The following ULBP1 variants were observed in gnomAD, a reference collection of about 807,000 sequenced individuals.
ULBP1 encodes UL16-binding protein 1.
In ULBP1, 28 loss-of-function variants were observed where a neutral mutation model predicts 25.3. The observed-to-expected ratio is 1.10, with a 90% CI of 0.82 to 1.51. The LOEUF (loss-of-function observed/expected upper bound fraction) is 1.51, where lower values mean the gene tolerates loss of function less well. Ranked by LOEUF, ULBP1 falls within the 40% of genes most tolerant of loss-of-function variation. ULBP1 has a pLI of 0.00. For synonymous variants in ULBP1, 129 were observed against 103.0 expected (o/e 1.25, Z -1.53); for missense variants, 348 against 290.9 (o/e 1.20, Z -1.43).
At position 149,973,678 on chromosome 6, in the gene ULBP1, CA is replaced by C. The variant is rs1272027446; in HGVS notation, c.*2336del. ...GTATAATAATTATACATGAAAGTGCCAAAACCCTACAATTAAACACTGTATA... is the reference window on the plus strand; with the variant it reads ...GTATAATAATTATACATGAAAGTGCCAAACCCTACAATTAAACACTGTATA... On this transcript the variant is annotated 3_prime_UTR_variant, in exon 5 of 5. Transcript: ENST00000229708. 2.0e-5 allele frequency: 3 copies of C among 152,128 alleles called. No individual in the cohort carries two copies. The East Asian group carries it at 5.8e-4, about 29-fold the overall frequency. 9.4% of individuals were successfully genotyped at this position (152,128 alleles called of 1,614,324 possible).
At position 149,966,949 on chromosome 6, in the gene ULBP1, T is replaced by C. The variant is rs147411094; in HGVS notation, c.86-1658T>C. On this transcript the variant is annotated intron_variant, in intron 1 of 4. Coordinates refer to ENST00000229708, the MANE Select transcript of ULBP1 (RefSeq NM_025218.4). ...CTCTGGGATCTTAGGGAGTCCAGGGTCAAATAGCTGTATTGGTAGGTCCAG... is the reference window on the plus strand; with the variant it reads ...CTCTGGGATCTTAGGGAGTCCAGGGCCAAATAGCTGTATTGGTAGGTCCAG... Among the ~76,000 whole-genome samples, 139 of 152,180 alleles carry C rather than the reference T, an allele frequency of 9.1e-4. 1 individual carries two copies. The highest frequency in any genetic ancestry group is 3.2e-3 in the African/African-American group (132 of 41,534).
In ULBP1 at chr6:149,973,099, C is replaced by G. The variant is rs1277838434; in HGVS notation, c.*1753C>G. ...TCTAAGTGCCCAACAACAGTAAATT[C>G]AATGAAAAAAAATGTGGTACATAGA... On this transcript the variant is annotated 3_prime_UTR_variant, in exon 5 of 5. Coordinates refer to ENST00000229708, the MANE Select transcript of ULBP1 (RefSeq NM_025218.4). The G allele has an allele frequency of 1.3e-5, 2 of 151,854 alleles. No homozygotes were observed. Among genetic ancestry groups the G allele is most frequent in the Non-Finnish European group, 2.9e-5 (2 of 67,936 alleles). 9.4% of individuals were successfully genotyped at this position (151,854 alleles called of 1,614,324 possible). A position where few individuals can be genotyped will look rare whatever the true frequency, so the allele number is the denominator to read the frequency against.
rs1779336807 is a variant in ULBP1 at position 149,972,569 on chromosome 6, C to T, written c.*1223C>T. 1 of 152,164 alleles carries T rather than the reference C, an allele frequency of 6.6e-6. No individual in the cohort carries two copies. 9.4% of individuals were successfully genotyped at this position (152,164 alleles called of 1,614,324 possible). A position where few individuals can be genotyped will look rare whatever the true frequency, so the allele number is the denominator to read the frequency against. On this transcript the variant is annotated 3_prime_UTR_variant, in exon 5 of 5. Transcript: ENST00000229708. ...AGAAACTAGCAACACAGTAAACAGA[C>T]AGCCTGTAGAATGGGGAAAACTATT...
intron 4 of ULBP1, 127 bp downstream of exon 4, chr6:149,970,274 C>A: frequency 3.9e-6 from 5 of 1,279,266 alleles, no homozygotes; most frequent in Admixed American, 2.7e-5. Flanking sequence ...ATGAATGAGA[C>A]CTGCTGTCAC....
intron 1 of ULBP1, among the ~76,000 whole-genome samples, chr6:149,968,222 G>A (rs1779237749): frequency 1.3e-5 from 2 of 152,132 alleles, no homozygotes; most frequent in East Asian, 1.9e-4. Context: ...AGCATCCCAG[G>A]GCAGCTCCCA....
At chr6:149,970,261 C>T in intron 4 of ULBP1, 114 bp downstream of exon 4, 1 of 1,386,712 alleles carries the variant, frequency 7.2e-7, no homozygotes, top group Non-Finnish European at 9.7e-7. Context: ...TGACATTAGA[C>T]AGATGAATGA....
chr6:149,967,960 A>G (rs1193883309), intron 1 of ULBP1, among the ~76,000 whole-genome samples: 1 of 152,060 alleles, frequency 6.6e-6, no homozygotes, highest in Non-Finnish European at 1.5e-5. Flanking sequence ...CTGGATTTTC[A>G]TATTGCAACC....
Position 149,964,141 on chromosome 6 carries a change from TC to T in ULBP1, c.85+8del. ...TCCCGGGCAGGATGGGTCGGTGAGT[TC>T]GGGGATGTAGCCTAAGCAGGGCGGG... On this transcript the variant is annotated splice_region_variant and intron_variant, in intron 1 of 4. Coordinates refer to ENST00000229708, the MANE Select transcript of ULBP1 (RefSeq NM_025218.4). 6.2e-7 allele frequency: 1 copy of T among 1,614,108 alleles called. No homozygotes were observed. The highest frequency in any genetic ancestry group is 8.5e-7 in the Non-Finnish European group (1 of 1,179,976).
At chr6:149,970,523 A>G (rs943982191) in intron 4 of ULBP1, among the ~76,000 whole-genome samples, 1 of 152,194 alleles carries the variant, frequency 6.6e-6, no homozygotes, top group East Asian at 1.9e-4. Context: ...TGGCCACTTC[A>G]CCAAGGATGT....
In ULBP1 at chr6:149,969,246, A is replaced by C. The variant is rs1309883344; in HGVS notation, c.511A>C (p.Lys171Gln). The C allele has an allele frequency of 6.2e-7, 1 of 1,614,120 alleles. No individual in the cohort carries two copies. The highest frequency in any genetic ancestry group is 1.3e-5 in the African/African-American group (1 of 74,936). ...TCCTGGAGCCAAGAAGATGACAGAG[A>C]AGTGGGAGAAGAACAGGGATGTGAC... ...LHPGAKKMTE[K>Q]WEKNRDVTMF... is the part of the protein sequence containing the mutation. Residue 171 changes from lysine (K) to glutamine (Q), a missense_variant, in exon 3 of 5, where the codon AAG (lysine) becomes CAG (glutamine). Lys to Gln is a moderately conservative substitution (Grantham distance 53, BLOSUM62 1). Coordinates refer to ENST00000229708, the MANE Select transcript of ULBP1 (RefSeq NM_025218.4).
At chr6:149,967,898 G>C (rs1779231899) in intron 1 of ULBP1, among the ~76,000 whole-genome samples, 2 of 152,040 alleles carry the variant, frequency 1.3e-5, no homozygotes, top group Admixed American at 6.6e-5. Context: ...TTATATGCTG[G>C]GTATACAAGA....
chr6:149,967,807 T>C (rs1418797001), intron 1 of ULBP1, among the ~76,000 whole-genome samples: 2 of 152,108 alleles, frequency 1.3e-5, no homozygotes, highest in African/African-American at 2.4e-5. Flanking sequence ...AGGAACAGCA[T>C]TTCCTACCCC....
rs1562494671 is a variant in ULBP1 at position 149,968,866 on chromosome 6, C to A, written c.345C>A (p.Pro115=). Residue 115 remains proline (P), a synonymous_variant, in exon 2 of 5, where the codon CCC becomes CCA. Coordinates refer to ENST00000229708, the MANE Select transcript of ULBP1 (RefSeq NM_025218.4). Reference sequence around the variant, plus strand: ...ACATTCAAGTGGAGAATTTAATACCCATTGGTAAGTTTAAAATGGCCCAGG... The same window carrying A: ...ACATTCAAGTGGAGAATTTAATACCAATTGGTAAGTTTAAAATGGCCCAGG... ...LLDIQVENLI[P]IEPLTLQARM... 1 of 1,613,326 alleles carries A rather than the reference C, an allele frequency of 6.2e-7. No individual in the cohort carries two copies. The highest frequency in any genetic ancestry group is 1.1e-5 in the South Asian group (1 of 91,002).
intron 4 of ULBP1, 59 bp from the exon 5 acceptor site, chr6:149,971,310 A>G (rs1229963393): frequency 3.8e-5 from 37 of 983,468 alleles, no homozygotes; most frequent in Non-Finnish European, 4.5e-5. Flanking sequence ...AGGATCACCC[A>G]GGAGAACAGA....
At chr6:149,965,927 C>T (rs1779196834) in intron 1 of ULBP1, among the ~76,000 whole-genome samples, 1 of 152,056 alleles carries the variant, frequency 6.6e-6, no homozygotes, top group Admixed American at 6.5e-5. Flanking sequence ...CCTGAGGACA[C>T]ACCCCAGCAA....
chr6:149,969,153 C>T lies in ULBP1; in HGVS notation c.418C>T (p.Gln140Ter). 1 of 1,614,190 alleles carries T rather than the reference C, an allele frequency of 6.2e-7. No homozygotes were observed. The highest frequency in any genetic ancestry group is 2.2e-5 in the East Asian group (1 of 44,888). The part of the protein sequence containing the change: ...EAHGHGRGSW[Q>*]FLFNGQKFLL... ...CCATGGACACGGCAGAGGATCTTGG[C>T]AGTTCCTCTTCAATGGACAGAAGTT... Residue 140 changes from glutamine to a stop codon, truncating the protein, a stop_gained, in exon 3 of 5, where the codon CAG (glutamine) becomes TAG (stop). Coordinates refer to ENST00000229708, the MANE Select transcript of ULBP1 (RefSeq NM_025218.4). LOFTEE classifies it high-confidence loss of function.
intron 1 of ULBP1, among the ~76,000 whole-genome samples, chr6:149,967,169 T>C (rs373287063): frequency 3.9e-4 from 59 of 152,234 alleles, no homozygotes; most frequent in African/African-American, 1.2e-3. Context: ...AGCCCATCCC[T>C]CTAAGCTGGA....
In ULBP1 at chr6:149,968,716, C is replaced by T. The variant is rs760805704; in HGVS notation, c.195C>T (p.Asp65=). Reference sequence around the variant, plus strand: ...ATGAAAGGCCTTTTCTTCACTATGACTGTGTTAACCACAAGGCCAAAGCCT... The same window carrying T: ...ATGAAAGGCCTTTTCTTCACTATGATTGTGTTAACCACAAGGCCAAAGCCT... The part of the protein sequence containing the change: ...LVDERPFLHY[D]CVNHKAKAFA... The change falls in exon 2 of 5, where the codon GAC becomes GAT. Residue 65 remains aspartate (D), a synonymous_variant. Coordinates refer to ENST00000229708, the MANE Select transcript of ULBP1 (RefSeq NM_025218.4). 6.2e-7 allele frequency: 1 copy of T among 1,614,264 alleles called. No homozygotes were observed. The highest frequency in any genetic ancestry group is 2.2e-5 in the East Asian group (1 of 44,890).
intron 1 of ULBP1, among the ~76,000 whole-genome samples, chr6:149,965,208 C>G (rs1260684825): frequency 1.7e-5 from 2 of 114,776 alleles, no homozygotes; most frequent in East Asian, 5.0e-4. Context: ...ACATCGCGAT[C>G]CCCCAGAACA....
Sources: allele counts gnomAD v4.1 joint callset (sites outside exome capture counted in the v4.1 genomes callset), GRCh38; gene constraint gnomAD v4.1.1; transcripts MANE v1.5; gene names NCBI Gene and HGNC (gene_info 2026-07-23, HGNC 2026-07-21).